Variants in MSRA observed in about 807,000 individuals in gnomAD.
MSRA encodes mitochondrial peptide methionine sulfoxide reductase.
A neutral mutation model predicts 31.3 loss-of-function variants in MSRA; 54 were observed. That is an observed-to-expected ratio of 1.73 (90% CI 1.39 to 2.17). The LOEUF (loss-of-function observed/expected upper bound fraction) is 2.17, where lower values mean the gene tolerates loss of function less well. Ranked by LOEUF, MSRA falls within the 30% of genes most tolerant of loss-of-function variation. MSRA has a pLI of 0.00. For missense variants in MSRA, 507 were observed against 300.9 expected (o/e 1.69, Z -5.07); for synonymous variants, 169 against 116.5 (o/e 1.45, Z -2.90).
At chr8:10,419,207 C>G (rs1808664901) in intron 5 of MSRA, among the ~76,000 whole-genome samples, 1 of 152,282 alleles carries the variant, frequency 6.6e-6, no homozygotes. Context: ...TTGCACCTCT[C>G]ACGTGTCGCA....
intron 1 of MSRA, among the ~76,000 whole-genome samples, chr8:10,106,173 C>T (rs914743285): frequency 1.2e-4 from 19 of 152,168 alleles, no homozygotes; most frequent in South Asian, 2.1e-4. Flanking sequence ...CAAACCCAAA[C>T]GTGGAAGTCA....
intron 3 of MSRA, among the ~76,000 whole-genome samples, 193 bp from the exon 4 acceptor site, chr8:10,301,341 T>C (rs111427921): frequency 2.2e-4 from 34 of 152,280 alleles, no homozygotes; most frequent in African/African-American, 7.7e-4. Flanking sequence ...GGAAGAGAAC[T>C]GTATGCTTTT....
rs1585103605 is a variant in MSRA at position 10,178,860 on chromosome 8, G to C, written c.143-28973G>C. 2.6e-5 allele frequency among the ~76,000 whole-genome samples: 4 copies of C among 152,262 alleles called. 1 individual carries two copies. The highest frequency in any genetic ancestry group is 2.6e-4 in the Admixed American group (4 of 15,292). ...TGTTTCCTGTGATTTGAGAACTACAGGATGGCACCAGAATCTCAGACCTGC... is the reference window on the plus strand; with the variant it reads ...TGTTTCCTGTGATTTGAGAACTACACGATGGCACCAGAATCTCAGACCTGC... On this transcript the variant is annotated intron_variant, in intron 1 of 5. Transcript: ENST00000317173.
chr8:10,165,947 G>A (rs1269106782), intron 1 of MSRA, among the ~76,000 whole-genome samples: 1 of 152,148 alleles, frequency 6.6e-6, no homozygotes, highest in Non-Finnish European at 1.5e-5. Context: ...GACTGGCCTG[G>A]TCCCTGGAAT....
chr8:10,157,798 C>T (rs947053759), intron 1 of MSRA, among the ~76,000 whole-genome samples: 2 of 152,038 alleles, frequency 1.3e-5, no homozygotes, highest in African/African-American at 4.8e-5. Context: ...CTCTCTCTCC[C>T]CATCTCCCTG....
chr8:10,054,617 A>T lies in MSRA; in HGVS notation c.101A>T (p.Gln34Leu). The change falls in exon 1 of 6, where the codon CAG becomes CTG. Residue 34 changes from glutamine to leucine, a missense_variant. Gln to Leu is a moderately radical substitution (Grantham distance 113). Transcript: ENST00000317173. ...TCGGCCTCGAACATCGTCAGCCCCC[A>T]GGAGGCCTTGCCGGGCCGGAAGGAA... ...GNSASNIVSP[Q>L]EALPGRKEQT... The T allele has an allele frequency of 6.3e-7, 1 of 1,577,686 alleles. No individual in the cohort carries two copies. Among genetic ancestry groups the T allele is most frequent in the South Asian group, 1.1e-5 (1 of 87,900 alleles).
chr8:10,077,343 AG>A (rs952994572), intron 1 of MSRA, among the ~76,000 whole-genome samples: 52 of 152,320 alleles, frequency 3.4e-4, no homozygotes, highest in African/African-American at 1.2e-3. Context: ...CAAAAGGGGT[AG>A]GGTTTTTAAA....
At chr8:10,338,781 A>AT (rs1193228667) in intron 5 of MSRA, among the ~76,000 whole-genome samples, 1 of 152,186 alleles carries the variant, frequency 6.6e-6, no homozygotes, top group Non-Finnish European at 1.5e-5. Flanking sequence ...TGCTTTGGTG[A>AT]TTCATACAAC....
At chr8:10,422,513 C>T (rs1808873020) in intron 5 of MSRA, among the ~76,000 whole-genome samples, 1 of 152,170 alleles carries the variant, frequency 6.6e-6, no homozygotes, top group Non-Finnish European at 1.5e-5. Flanking sequence ...TCCAGAAATT[C>T]CCTGGGCCAG....
intron 2 of MSRA, among the ~76,000 whole-genome samples, chr8:10,244,008 G>A (rs140796051): frequency 6.6e-6 from 1 of 151,986 alleles, no homozygotes; most frequent in African/African-American, 2.4e-5. Flanking sequence ...TGTTGCTTTG[G>A]ATTTTTAGAG....
At chr8:10,067,872 G>A (rs1425585776) in intron 1 of MSRA, among the ~76,000 whole-genome samples, 3 of 94,946 alleles carry the variant, frequency 3.2e-5, no homozygotes, top group Non-Finnish European at 4.4e-5. Context: ...TTTTCTTACT[G>A]AGTTTTTTTT....
intron 5 of MSRA, among the ~76,000 whole-genome samples, chr8:10,382,828 T>C (rs773568311): frequency 5.3e-5 from 8 of 152,220 alleles, no homozygotes; most frequent in Non-Finnish European, 1.2e-4. Context: ...GTGTTGCAGC[T>C]TGAAATCACC....
At chr8:10,199,383 G>A (rs567723127) in intron 1 of MSRA, among the ~76,000 whole-genome samples, 4 of 152,198 alleles carry the variant, frequency 2.6e-5, no homozygotes, top group Admixed American at 6.5e-5. Context: ...GCAGTGGTGC[G>A]ATCTTGGCCC....
intron 1 of MSRA, among the ~76,000 whole-genome samples, chr8:10,195,389 T>C (rs1270354690): frequency 6.6e-6 from 1 of 152,204 alleles, no homozygotes; most frequent in Non-Finnish European, 1.5e-5. Flanking sequence ...TACAGGCACA[T>C]GCCACCACGC....
chr8:10,126,357 C>T (rs1801494358), intron 1 of MSRA, among the ~76,000 whole-genome samples: 1 of 152,104 alleles, frequency 6.6e-6, no homozygotes, highest in South Asian at 2.1e-4. Flanking sequence ...AAAAATCACT[C>T]CAAAATTTCA....
At chr8:10,183,031 A>T (rs938828525) in intron 1 of MSRA, among the ~76,000 whole-genome samples, 2 of 152,068 alleles carry the variant, frequency 1.3e-5, no homozygotes, top group Non-Finnish European at 2.9e-5. Context: ...CCAACCAGCC[A>T]CCTCACCTGC....
intron 4 of MSRA, among the ~76,000 whole-genome samples, chr8:10,306,519 A>G (rs1350035903): frequency 6.6e-6 from 1 of 151,334 alleles, no homozygotes; most frequent in African/African-American, 2.4e-5. Flanking sequence ...TGTCTCTTGC[A>G]TTGGTTGGAA....
At chr8:10,155,440 C>T (rs1317632899) in intron 1 of MSRA, among the ~76,000 whole-genome samples, 1 of 152,188 alleles carries the variant, frequency 6.6e-6, no homozygotes, top group Non-Finnish European at 1.5e-5. Flanking sequence ...GAAGCTGTGC[C>T]ATCCCAATAC....
chr8:10,148,480 C>G (rs980180699), intron 1 of MSRA, among the ~76,000 whole-genome samples: 3 of 151,880 alleles, frequency 2.0e-5, no homozygotes, highest in Non-Finnish European at 2.9e-5. Context: ...AACCCCATCT[C>G]TACTAAAAAT....
Sources: allele counts gnomAD v4.1 joint callset (sites outside exome capture counted in the v4.1 genomes callset), GRCh38; gene constraint gnomAD v4.1.1; transcripts MANE v1.5; gene names NCBI Gene and HGNC (gene_info 2026-07-23, HGNC 2026-07-21).